ZKSCAN2: variants seen among roughly 807,000 people sequenced by gnomAD.
ZKSCAN2 encodes the protein zinc finger with KRAB and SCAN domains 2.
A neutral mutation model predicts 90.5 loss-of-function variants in ZKSCAN2; 38 were observed. That is an observed-to-expected ratio of 0.42 (90% CI 0.32 to 0.55). The LOEUF is 0.55. Ranked by LOEUF, ZKSCAN2 falls within the 20% of genes least tolerant of loss-of-function variation. The pLI is 0.11. For synonymous variants in ZKSCAN2, 429 were observed against 421.6 expected, an observed-to-expected ratio of 1.02 and a Z score of -0.22; for missense variants, 1,167 against 1,202.6, an observed-to-expected ratio of 0.97 and a Z score of 0.44.
rs11642611 is a variant in ZKSCAN2, at chr16:25,244,185, C to A, written c.1581G>T (p.Lys527Asn). The A allele has an allele frequency of 6.2e-7, 1 of 1,613,912 alleles. No homozygotes were observed. The highest frequency in any genetic ancestry group is 8.5e-7 in the Non-Finnish European group (1 of 1,179,986). Residue 527 changes from lysine to asparagine, a missense_variant, in exon 6 of 7, where the codon AAG (lysine) becomes AAT (asparagine). Coordinates refer to ENST00000328086, the MANE Select transcript of ZKSCAN2 (RefSeq NM_001012981.5). ...FYEALQACHR[K>N]SKLYGAVAEQ... ...CAGCTACAGCCCCATACAATTTGCT[C>A]TTCCGATGACAGGCTTGAAGCGCTT...
rs565186196 is a variant in ZKSCAN2 at position 25,239,695 on chromosome 16, A to T, written c.*121T>A. The T allele has an allele frequency of 1.8e-5, 15 of 836,254 alleles. No individual in the cohort carries two copies. The Admixed American group carries it at 3.3e-4, about 18-fold the overall frequency. The allele number at this position is 836,254 out of a possible 1,614,324, so 51.8% of individuals were successfully genotyped here. ...AGGTGAGAACAGGATGAAAGTGTTT[A>T]GTTTATTTATATTCTCAAGTTTATC... On this transcript the variant is annotated 3_prime_UTR_variant, in exon 7 of 7. Coordinates refer to ENST00000328086, the MANE Select transcript of ZKSCAN2 (RefSeq NM_001012981.5).
rs1963134418 is a variant in ZKSCAN2, at chr16:25,257,723, C to T, written c.-596G>A. ...AACCGCTGCCGCCGAGGAAAGGCCGCAAAAACTGTTCCGCCCGGAAGGGAG... is the reference window on the plus strand; with the variant it reads ...AACCGCTGCCGCCGAGGAAAGGCCGTAAAAACTGTTCCGCCCGGAAGGGAG... On this transcript the variant is annotated 5_prime_UTR_variant, in exon 1 of 7. Transcript: ENST00000328086. 1 of 157,262 alleles carries T rather than the reference C, an allele frequency of 6.4e-6. No homozygotes were observed. Among genetic ancestry groups the T allele is most frequent in the Non-Finnish European group, 1.4e-5 (1 of 72,722 alleles). The allele number at this position is 157,262 out of a possible 1,614,324, so 9.7% of individuals were successfully genotyped here.
Position 25,251,971 on chromosome 16 carries a change from G to A in ZKSCAN2, c.743C>T (p.Pro248Leu), listed in dbSNP as rs1334780891. The A allele has an allele frequency of 3.1e-6, 5 of 1,613,764 alleles. No individual in the cohort carries two copies. In the African/African-American group the frequency reaches 6.7e-5, roughly 22 times the overall value. Reference sequence around the variant, plus strand: ...ATCCCGGTAGAGGTCCCTTTGGGCAGGAATCTGATGCACACTCTTTCTGTA... The same window carrying A: ...ATCCCGGTAGAGGTCCCTTTGGGCAAGAATCTGATGCACACTCTTTCTGTA... ...FSYRKSVHQI[P>L]AQRDLYRDFR... Residue 248 changes from proline (P) to leucine (L), a missense_variant, in exon 4 of 7, where the codon CCT becomes CTT. Physicochemically the swap from Pro to Leu is moderately conservative, Grantham distance 98. Coordinates refer to ENST00000328086, the MANE Select transcript of ZKSCAN2 (RefSeq NM_001012981.5).
Position 25,255,226 on chromosome 16 carries a change from C to T in ZKSCAN2, c.566G>A (p.Arg189His), listed in dbSNP as rs113273135. The change falls in exon 2 of 7, where the codon CGT becomes CAT. Residue 189 changes from arginine (R) to histidine (H), a missense_variant. Arg to His is a conservative substitution (Grantham distance 29). Transcript: ENST00000328086. Reference sequence around the variant, plus strand: ...CTTACCATTCTTGGGTAAGGGCCGACGTTCTCGCTTTCGGTTCAGCTGTTC... The same window carrying T: ...CTTACCATTCTTGGGTAAGGGCCGATGTTCTCGCTTTCGGTTCAGCTGTTC... The part of the protein sequence containing the change: ...HQEQLNRKRE[R>H]RPLPKNARPS... The T allele has an allele frequency of 3.7e-6, 6 of 1,607,790 alleles. No homozygotes were observed. The highest frequency in any genetic ancestry group is 2.2e-5 in the East Asian group (1 of 44,792).
intron 6 of ZKSCAN2, among the ~76,000 whole-genome samples, chr16:25,242,103 G>A (rs1962863935): frequency 6.6e-6 from 1 of 152,144 alleles, no homozygotes; most frequent in Non-Finnish European, 1.5e-5. Context: ...GTGCTCAAGC[G>A]ATCCTCCCAC....
In ZKSCAN2 at chr16:25,240,205, A is replaced by G. The variant is rs1205858760; in HGVS notation, c.2515T>C (p.Cys839Arg). ...ATAAGACTAGAGCTCTGACTAAAGC[A>G]TTTTCCACACTCTCCGCATCTGTAG... ...KPYRCGECGK[C>R]FSQSSSLIIH... The change falls in exon 7 of 7, where the codon TGC becomes CGC. Residue 839 changes from cysteine to arginine, a missense_variant. By Grantham distance (180) the Cys-to-Arg change is radical (BLOSUM62 -3). Coordinates refer to ENST00000328086, the MANE Select transcript of ZKSCAN2 (RefSeq NM_001012981.5). The G allele has an allele frequency of 1.9e-6, 3 of 1,613,588 alleles. No individual in the cohort carries two copies. The African/African-American group carries it at 4.0e-5, about 22-fold the overall frequency.
Position 25,243,849 on chromosome 16 carries a change from G to C in ZKSCAN2, c.1917C>G (p.Ser639Arg). The C allele has an allele frequency of 6.2e-7, 1 of 1,613,950 alleles. No individual in the cohort carries two copies. The highest frequency in any genetic ancestry group is 8.5e-7 in the Non-Finnish European group (1 of 1,180,000). The change falls in exon 6 of 7, where the codon AGC becomes AGG. Residue 639 changes from serine (S) to arginine (R), a missense_variant. Physicochemically the swap from Ser to Arg is moderately radical, Grantham distance 110. Coordinates refer to ENST00000328086, the MANE Select transcript of ZKSCAN2 (RefSeq NM_001012981.5). Reference sequence around the variant, plus strand: ...CTGGCTCTTGCACAATTTCCTCCTCGCTCATTCTCTCACTGCAAGAGTCTT... The same window carrying C: ...CTGGCTCTTGCACAATTTCCTCCTCCCTCATTCTCTCACTGCAAGAGTCTT... ...VIEDSCSERM[S>R]EEEIVQEPEF... is the part of the protein sequence containing the mutation.
At chr16:25,243,336 T>C (rs1962882097) in intron 6 of ZKSCAN2, among the ~76,000 whole-genome samples, 1 of 152,038 alleles carries the variant, frequency 6.6e-6, no homozygotes, top group Admixed American at 6.6e-5. Context: ...AACAGGAACT[T>C]TGTTTTTTTC....
At chr16:25,248,852 T>C (rs993543744) in intron 4 of ZKSCAN2, among the ~76,000 whole-genome samples, 1 of 152,224 alleles carries the variant, frequency 6.6e-6, no homozygotes, top group African/African-American at 2.4e-5. Context: ...CCATGTTCAC[T>C]GCAGCATTAT....
chr16:25,240,032 G>T lies in ZKSCAN2; in HGVS notation c.2688C>A (p.Phe896Leu). Residue 896 changes from phenylalanine (F) to leucine (L), a missense_variant, in exon 7 of 7, where the codon TTC becomes TTA. Phe to Leu is a conservative substitution (Grantham distance 22). Transcript: ENST00000328086. Reference sequence around the variant, plus strand: ...GTTCTCGAAATCTCGTACAGTTATTGAAACTTTTTTCACAGTCCACACATT... The same window carrying T: ...GTTCTCGAAATCTCGTACAGTTATTTAAACTTTTTTCACAGTCCACACATT... Reference protein sequence around the residue: ...PYKCVDCEKSFNNCTRFREHR... With the variant: ...PYKCVDCEKSLNNCTRFREHR... 1 of 1,614,004 alleles carries T rather than the reference G, an allele frequency of 6.2e-7. No individual in the cohort carries two copies. Among genetic ancestry groups the T allele is most frequent in the Non-Finnish European group, 8.5e-7 (1 of 1,179,966 alleles).
In ZKSCAN2 at chr16:25,238,630, TAC is replaced by T. The variant is rs1189770672; in HGVS notation, c.*1184_*1185del. The T allele has an allele frequency of 3.3e-5, 5 of 152,220 alleles. No homozygotes were observed. The highest frequency in any genetic ancestry group is 4.1e-4 in the South Asian group (2 of 4,832). 9.4% of individuals were successfully genotyped at this position (152,220 alleles called of 1,614,324 possible). On this transcript the variant is annotated 3_prime_UTR_variant, in exon 7 of 7. Transcript: ENST00000328086. ...AGTTGTGTTAAGTTACTTGGCACAC[TAC>T]AGTTAGGTTTCTGATGCGGTGAACA... is the stretch of plus-strand genomic sequence containing the variant.
intron 4 of ZKSCAN2, among the ~76,000 whole-genome samples, chr16:25,250,734 C>A (rs1339061861): frequency 6.6e-6 from 1 of 152,020 alleles, no homozygotes; most frequent in African/African-American, 2.4e-5. Context: ...CTTAAATATA[C>A]ACAATTTTAT....
At chr16:25,245,832 G>A (rs1010608517) in intron 5 of ZKSCAN2, among the ~76,000 whole-genome samples, 7 of 151,120 alleles carry the variant, frequency 4.6e-5, no homozygotes, top group Non-Finnish European at 8.8e-5. Context: ...TAATAACAGT[G>A]ATACCAGGCA....
intron 3 of ZKSCAN2, 74 bp from the exon 4 acceptor site, chr16:25,252,109 G>A: frequency 6.4e-7 from 1 of 1,555,050 alleles, no homozygotes; most frequent in Non-Finnish European, 8.8e-7. Context: ...TCACAGATGA[G>A]GCAGAGAAGA....
chr16:25,252,281 ATATACT>A (rs773967572), intron 3 of ZKSCAN2, among the ~76,000 whole-genome samples: 15 of 152,220 alleles, frequency 9.9e-5, no homozygotes, highest in Non-Finnish European at 1.6e-4. Flanking sequence ...TAAGGGGGAA[ATATACT>A]TATACACTTG....
At chr16:25,251,227 G>A (rs1273228087) in intron 4 of ZKSCAN2, among the ~76,000 whole-genome samples, 1 of 151,532 alleles carries the variant, frequency 6.6e-6, no homozygotes, top group Non-Finnish European at 1.5e-5. Context: ...AGGGTAGGTG[G>A]GCAAAAAAAA....
Position 25,257,003 on chromosome 16 carries a change from TCA to T in ZKSCAN2, c.123_124del (p.Glu42AspfsTer12). 1.2e-6 allele frequency: 2 copies of T among 1,614,224 alleles called. No individual in the cohort carries two copies. The highest frequency in any genetic ancestry group is 1.7e-6 in the Non-Finnish European group (2 of 1,180,040). On this transcript the variant is annotated frameshift_variant, in exon 1 of 7. Transcript: ENST00000328086. LOFTEE classifies it high-confidence loss of function. ...TTGCCTGAAGCATTTGCGGAAGGTC[TCA>T]GAGCTATCCGATCCTTCCAGAATGG... is the stretch of plus-strand genomic sequence containing the variant.
Position 25,257,469 on chromosome 16 carries a change from A to C in ZKSCAN2, c.-342T>G. The stretch of plus-strand genomic sequence containing the variant: ...AGCAGGCTGAGGAAAGGCTGGGCGG[A>C]GGCGGACAGCCGGGCCGGGAGGGGG... On this transcript the variant is annotated 5_prime_UTR_variant, in exon 1 of 7. Coordinates refer to ENST00000328086, the MANE Select transcript of ZKSCAN2 (RefSeq NM_001012981.5). 5 of 1,024,860 alleles carry C rather than the reference A, an allele frequency of 4.9e-6. No individual in the cohort carries two copies. The highest frequency in any genetic ancestry group is 5.8e-6 in the Non-Finnish European group (5 of 857,044). The allele number at this position is 1,024,860 out of a possible 1,614,324, so 63.5% of individuals were successfully genotyped here. A position where few individuals can be genotyped will look rare whatever the true frequency, so the allele number is the denominator to read the frequency against.
At position 25,257,152 on chromosome 16, in the gene ZKSCAN2, C is replaced by G; in HGVS notation, c.-25G>C. On this transcript the variant is annotated 5_prime_UTR_variant, in exon 1 of 7. Transcript: ENST00000328086. ...TGCTGCAGCCCAGGGGTCAACTTCA[C>G]GTCTAGCTCAAGGTGGGGACCCAAA... The G allele has an allele frequency of 6.4e-7, 1 of 1,558,986 alleles. No homozygotes were observed. Among genetic ancestry groups the G allele is most frequent in the East Asian group, 2.3e-5 (1 of 44,370 alleles).
Sources: gnomAD v4.1 joint callset for allele counts (sites outside exome capture counted in the v4.1 genomes callset) on GRCh38, gnomAD v4.1.1 for gene constraint, MANE v1.5 for transcripts, NCBI Gene and HGNC (gene_info 2026-07-23, HGNC 2026-07-21) for gene names.